Variants in CSNK2A2IP observed in about 807,000 individuals in gnomAD.
The protein encoded by CSNK2A2IP is casein kinase 2 subunit alpha' interacting protein.
the CSNK2A2IP span, among the ~76,000 whole-genome samples, chr3:88,395,000 T>C: frequency 6.6e-6 from 1 of 152,160 alleles, no homozygotes; most frequent in African/African-American, 2.4e-5. Flanking sequence ...ACCTATATAG[T>C]AAACCTTCAA....
chr3:88,411,133 C>T, the CSNK2A2IP span, among the ~76,000 whole-genome samples: 47 of 151,962 alleles, frequency 3.1e-4, no homozygotes, highest in Middle Eastern at 3.4e-3. Context: ...ATTAGAATAA[C>T]ATTTTCTTCT....
At chr3:88,356,108 C>G in the CSNK2A2IP span, among the ~76,000 whole-genome samples, 1 of 152,062 alleles carries the variant, frequency 6.6e-6, no homozygotes, top group Admixed American at 6.6e-5. Context: ...TTCCAATCCA[C>G]TCTTTTAGTT....
chr3:88,427,977 G>T, the CSNK2A2IP span, among the ~76,000 whole-genome samples: 3 of 152,100 alleles, frequency 2.0e-5, no homozygotes, highest in Admixed American at 6.5e-5. Context: ...TGCACCATGC[G>T]CCTGGAAAAG....
chr3:88,383,576 T>C, the CSNK2A2IP span, among the ~76,000 whole-genome samples: 2 of 152,164 alleles, frequency 1.3e-5, no homozygotes, highest in Non-Finnish European at 2.9e-5. Flanking sequence ...TTTTTTGTGC[T>C]TTGTTAGTCA....
the CSNK2A2IP span, among the ~76,000 whole-genome samples, chr3:88,353,842 T>G: frequency 6.6e-6 from 1 of 152,194 alleles, no homozygotes; most frequent in Non-Finnish European, 1.5e-5. Flanking sequence ...TTTAGCTGTA[T>G]GTAAGTCATT....
the CSNK2A2IP span, among the ~76,000 whole-genome samples, chr3:88,427,166 G>C: frequency 1.3e-5 from 2 of 151,970 alleles, no homozygotes; most frequent in African/African-American, 4.8e-5. Context: ...CTCAGATGGA[G>C]ATGAAGAACT....
the CSNK2A2IP span, among the ~76,000 whole-genome samples, chr3:88,403,951 T>C: frequency 6.6e-6 from 1 of 152,236 alleles, no homozygotes; most frequent in East Asian, 1.9e-4. Context: ...TGAAGTCTTC[T>C]AGCAGATGGA....
At chr3:88,386,016 T>C in the CSNK2A2IP span, among the ~76,000 whole-genome samples, 2 of 152,184 alleles carry the variant, frequency 1.3e-5, no homozygotes, top group African/African-American at 2.4e-5. Flanking sequence ...ATGTGAAATA[T>C]AAGCCAGAGT....
the CSNK2A2IP span, among the ~76,000 whole-genome samples, chr3:88,350,876 T>C: frequency 3.9e-5 from 6 of 152,162 alleles, no homozygotes; most frequent in African/African-American, 1.2e-4. Context: ...TTGGTCACTG[T>C]ACTTCACTTT....
At chr3:88,466,410 TG>T in the CSNK2A2IP span, 1 of 1,231,950 alleles carries the variant, frequency 8.1e-7, no homozygotes, top group Admixed American at 4.2e-5. Flanking sequence ...CTTCACCAAA[TG>T]GCAAACACAG....
At chr3:88,380,606 C>CTAGA in the CSNK2A2IP span, among the ~76,000 whole-genome samples, 1 of 151,876 alleles carries the variant, frequency 6.6e-6, no homozygotes. Context: ...ACAGCTATTT[C>CTAGA]TAGATAGCAC....
chr3:88,364,095 G>A, the CSNK2A2IP span, among the ~76,000 whole-genome samples: 1 of 152,052 alleles, frequency 6.6e-6, no homozygotes, highest in Non-Finnish European at 1.5e-5. Flanking sequence ...CTTCAACTCA[G>A]GGATTTCACT....
chr3:88,420,236 T>C, the CSNK2A2IP span, among the ~76,000 whole-genome samples: 1 of 152,204 alleles, frequency 6.6e-6, no homozygotes, highest in Non-Finnish European at 1.5e-5. Context: ...GAGGTATGTC[T>C]CACTGTTTCT....
At chr3:88,359,152 G>A in the CSNK2A2IP span, among the ~76,000 whole-genome samples, 1 of 151,432 alleles carries the variant, frequency 6.6e-6, no homozygotes, top group Non-Finnish European at 1.5e-5. Context: ...ATTTCTTCCA[G>A]GTTTCCTAGT....
At chr3:88,379,925 T>G in the CSNK2A2IP span, among the ~76,000 whole-genome samples, 2 of 152,158 alleles carry the variant, frequency 1.3e-5, no homozygotes, top group African/African-American at 4.8e-5. Flanking sequence ...GCAGAAGTGA[T>G]TCTCGTCATC....
the CSNK2A2IP span, among the ~76,000 whole-genome samples, chr3:88,408,955 C>A: frequency 2.6e-5 from 4 of 151,968 alleles, no homozygotes; most frequent in Non-Finnish European, 5.9e-5. Flanking sequence ...CTATTGCCAA[C>A]TGAGACCATT....
the CSNK2A2IP span, among the ~76,000 whole-genome samples, chr3:88,439,660 T>G: frequency 6.7e-6 from 1 of 148,282 alleles, no homozygotes; most frequent in African/African-American, 2.5e-5. Context: ...GAGAATTGCT[T>G]GAACCAGGGA....
the CSNK2A2IP span, among the ~76,000 whole-genome samples, chr3:88,401,982 A>G: frequency 6.6e-6 from 1 of 150,470 alleles, no homozygotes; most frequent in South Asian, 2.1e-4. Flanking sequence ...GGATGGGGGA[A>G]CTGTCTTTCC....
chr3:88,342,218 C>A, the CSNK2A2IP span, among the ~76,000 whole-genome samples: 1 of 151,962 alleles, frequency 6.6e-6, no homozygotes, highest in Admixed American at 6.6e-5. Flanking sequence ...CTTATATATT[C>A]TGTTACATCA....
Sources: allele counts gnomAD v4.1 joint callset (sites outside exome capture counted in the v4.1 genomes callset), GRCh38; gene constraint gnomAD v4.1.1; transcripts MANE v1.5; gene names NCBI Gene and HGNC (gene_info 2026-07-23, HGNC 2026-07-21).